Variants in NDUFA5 observed in about 807,000 individuals in gnomAD.
NDUFA5 encodes the protein NADH:ubiquinone oxidoreductase subunit A5, also known as NADH dehydrogenase [ubiquinone] 1 alpha subcomplex subunit 5.
In NDUFA5, 11 loss-of-function variants were observed where a neutral mutation model predicts 19.8. That is an observed-to-expected ratio of 0.56 (90% CI 0.35 to 0.92). The LOEUF is 0.92. NDUFA5 is among the 40% of genes least tolerant of loss of function. NDUFA5 has a pLI of 0.01. For synonymous variants in NDUFA5, 47 were observed against 46.8 expected (o/e 1.00, Z -0.01); for missense variants, 109 against 134.2 (o/e 0.81, Z 0.93).
chr7:123,588,840 A>G, the NDUFA5 span, among the ~76,000 whole-genome samples: 11 of 151,284 alleles, frequency 7.3e-5, no homozygotes, highest in African/African-American at 2.4e-4. Context: ...CTGGTTTTTC[A>G]TGAGTGTGTT....
the NDUFA5 span, among the ~76,000 whole-genome samples, chr7:123,586,275 C>A: frequency 3.3e-5 from 5 of 151,808 alleles, no homozygotes; most frequent in African/African-American, 1.2e-4. Context: ...GCCTTCCTAA[C>A]AGGTGTGAAG....
the NDUFA5 span, among the ~76,000 whole-genome samples, chr7:123,591,041 AT>A: frequency 6.6e-6 from 1 of 151,986 alleles, no homozygotes; most frequent in African/African-American, 2.4e-5. Context: ...ATTCCTAGGT[AT>A]TTTATTCTCT....
chr7:123,560,114 G>T (rs1289986158), upstream of NDUFA5, among the ~76,000 whole-genome samples: 1 of 152,036 alleles, frequency 6.6e-6, no homozygotes, highest in Non-Finnish European at 1.5e-5. Flanking sequence ...TGCAGAAAAA[G>T]CATTGGACAA....
At chr7:123,565,504 T>C in the NDUFA5 span, among the ~76,000 whole-genome samples, 4 of 152,276 alleles carry the variant, frequency 2.6e-5, no homozygotes, top group Non-Finnish European at 5.9e-5. Flanking sequence ...ATACCATATT[T>C]GTTCTGTTTC....
the NDUFA5 span, among the ~76,000 whole-genome samples, chr7:123,570,029 CTTTTTT>C: frequency 1.8e-4 from 16 of 88,172 alleles, no homozygotes; most frequent in African/African-American, 4.5e-4. Flanking sequence ...ACTGCCATAG[CTTTTTT>C]TTTTTTTTTT....
At chr7:123,575,281 C>T in the NDUFA5 span, among the ~76,000 whole-genome samples, 1 of 152,174 alleles carries the variant, frequency 6.6e-6, no homozygotes, top group Non-Finnish European at 1.5e-5. Flanking sequence ...CCTTCTTTCT[C>T]TCTCATCCTT....
chr7:123,593,473 C>T, the NDUFA5 span, among the ~76,000 whole-genome samples: 8 of 152,136 alleles, frequency 5.3e-5, no homozygotes, highest in Non-Finnish European at 1.2e-4. Context: ...CCTGGTGTGA[C>T]AAAATCTCTC....
the NDUFA5 span, among the ~76,000 whole-genome samples, chr7:123,600,765 T>C: frequency 6.6e-6 from 1 of 152,170 alleles, no homozygotes. Flanking sequence ...CATTTCACAT[T>C]TACGGTTTCT....
At chr7:123,558,953 G>A (rs1798649146), upstream of NDUFA5, among the ~76,000 whole-genome samples, 1 of 151,718 alleles carries the variant, frequency 6.6e-6, no homozygotes, top group Admixed American at 6.6e-5. Context: ...TAAACCAAAA[G>A]CAAACAGAAG....
the NDUFA5 span, among the ~76,000 whole-genome samples, chr7:123,565,317 A>G: frequency 4.0e-5 from 6 of 151,828 alleles, no homozygotes; most frequent in South Asian, 4.2e-4. Flanking sequence ...TCAAATGCTA[A>G]TCTTTTCTCT....
chr7:123,548,029 G>A (rs574332071), intron 3 of NDUFA5, among the ~76,000 whole-genome samples: 6 of 152,022 alleles, frequency 3.9e-5, no homozygotes, highest in African/African-American at 1.4e-4. Flanking sequence ...TTAGAACTAA[G>A]ATGAAAATCT....
intron 2 of NDUFA5, 62 bp downstream of exon 2, chr7:123,557,340 CAA>C (rs1328741819): frequency 6.2e-7 from 1 of 1,607,148 alleles, no homozygotes; most frequent in South Asian, 1.1e-5. Context: ...CTGCAATAAG[CAA>C]AGTGACAGGA....
chr7:123,585,547 A>C, the NDUFA5 span, among the ~76,000 whole-genome samples: 25 of 151,950 alleles, frequency 1.6e-4, no homozygotes, highest in African/African-American at 5.8e-4. Context: ...ATAATGCTGC[A>C]ATGTGATTGT....
At chr7:123,557,170 C>A (rs1306755432) in intron 2 of NDUFA5, 1 of 698,038 alleles carries the variant, frequency 1.4e-6, no homozygotes, top group Admixed American at 2.0e-5. Context: ...ATGAAAATGT[C>A]AAGGAAAAAG....
intron 3 of NDUFA5, chr7:123,550,260 C>A: frequency 2.2e-6 from 1 of 461,676 alleles, no homozygotes; most frequent in African/African-American, 2.0e-5. Flanking sequence ...AGGATCTGAT[C>A]CTAGTCTCAA....
chr7:123,574,890 G>C, the NDUFA5 span, among the ~76,000 whole-genome samples: 1 of 151,784 alleles, frequency 6.6e-6, no homozygotes, highest in Non-Finnish European at 1.5e-5. Flanking sequence ...GACTTTACTG[G>C]ATCTACATCA....
In NDUFA5 at chr7:123,545,575, G is replaced by C. The variant is rs1400717032; in HGVS notation, c.249+36C>G. 1.9e-6 allele frequency: 3 copies of C among 1,549,640 alleles called. No homozygotes were observed. In the African/African-American group the frequency reaches 4.1e-5, roughly 21 times the overall value. On this transcript the variant is annotated intron_variant, in intron 4 of 4. Coordinates refer to ENST00000355749, the MANE Select transcript of NDUFA5 (RefSeq NM_005000.5). Reference sequence around the variant, plus strand: ...TAGAACGTCAGTTGTGTGTCTCTATGAAACCAAACACCTAAATAGTCAACT... The same window carrying C: ...TAGAACGTCAGTTGTGTGTCTCTATCAAACCAAACACCTAAATAGTCAACT...
chr7:123,554,149 A>G (rs1466725967), intron 2 of NDUFA5, among the ~76,000 whole-genome samples: 1 of 152,248 alleles, frequency 6.6e-6, no homozygotes, highest in Non-Finnish European at 1.5e-5. Context: ...TTATAAGTAT[A>G]AATACATACC....
chr7:123,595,124 GCCTAAATGACACTTAT>G, the NDUFA5 span, among the ~76,000 whole-genome samples: 1 of 152,218 alleles, frequency 6.6e-6, no homozygotes, highest in Non-Finnish European at 1.5e-5. Context: ...GGCATGGGAG[GCCTAAATGACACTTAT>G]CCTAAATGAC....
Sources: allele counts gnomAD v4.1 joint callset (sites outside exome capture counted in the v4.1 genomes callset), GRCh38; gene constraint gnomAD v4.1.1; transcripts MANE v1.5; gene names NCBI Gene and HGNC (gene_info 2026-07-23, HGNC 2026-07-21).